TMEM132D: variants seen among roughly 807,000 people sequenced by gnomAD.
TMEM132D encodes transmembrane protein 132D.
A neutral mutation model predicts 62.3 loss-of-function variants in TMEM132D; 21 were observed. That is an observed-to-expected ratio of 0.34 (90% CI 0.24 to 0.49). The LOEUF (loss-of-function observed/expected upper bound fraction) is 0.49. TMEM132D is among the 20% of genes least tolerant of loss of function. The pLI is 0.99. For missense variants in TMEM132D, 1,346 were observed against 1,402.8 expected (o/e 0.96, Z 0.65); for synonymous variants, 621 against 575.6 (o/e 1.08, Z -1.13).
chr12:129,807,141 A>G (rs1413339184), intron 1 of TMEM132D, among the ~76,000 whole-genome samples: 1 of 152,346 alleles, frequency 6.6e-6, no homozygotes, highest in East Asian at 1.9e-4. Context: ...CCTTGAGCAC[A>G]CAGGATGGGA....
At chr12:129,599,012 GA>G (rs1269808974) in intron 2 of TMEM132D, among the ~76,000 whole-genome samples, 6 of 152,174 alleles carry the variant, frequency 3.9e-5, no homozygotes, top group Non-Finnish European at 7.3e-5. Context: ...AAGGAGTTTG[GA>G]GAGAATCTCT....
rs142531001 is a variant in TMEM132D at position 129,320,957 on chromosome 12, T to C, written c.1299+16677A>G. Among the ~76,000 whole-genome samples the C allele has an allele frequency of 7.3e-3, 1,107 of 151,394 alleles. 16 individuals carry two copies. The highest frequency in any genetic ancestry group is 0.026 in the African/African-American group (1,064 of 40,832). ...AGCGAGCCACCCACTAGACATTATTTATACAAATCTATCTATCTACCTACC... is the reference window on the plus strand; with the variant it reads ...AGCGAGCCACCCACTAGACATTATTCATACAAATCTATCTATCTACCTACC... On this transcript the variant is annotated intron_variant, in intron 4 of 8. Coordinates refer to ENST00000422113, the MANE Select transcript of TMEM132D (RefSeq NM_133448.3).
At chr12:129,735,469 A>G (rs532406981) in intron 1 of TMEM132D, among the ~76,000 whole-genome samples, 6 of 152,226 alleles carry the variant, frequency 3.9e-5, no homozygotes, top group African/African-American at 1.4e-4. Flanking sequence ...CAATACACAT[A>G]TATGTACAAA....
At chr12:129,558,095 G>A (rs1395373591) in intron 2 of TMEM132D, among the ~76,000 whole-genome samples, 1 of 152,152 alleles carries the variant, frequency 6.6e-6, no homozygotes, top group African/African-American at 2.4e-5. Context: ...ACTCTTGCTG[G>A]CTTAACAAAG....
At chr12:129,421,287 G>A (rs1324898871) in intron 3 of TMEM132D, among the ~76,000 whole-genome samples, 2 of 128,904 alleles carry the variant, frequency 1.6e-5, no homozygotes, top group Non-Finnish European at 3.3e-5. Flanking sequence ...TTAAAGTGAG[G>A]AGATCATAGT....
At chr12:129,489,867 A>C (rs1278134195) in intron 3 of TMEM132D, among the ~76,000 whole-genome samples, 3 of 152,212 alleles carry the variant, frequency 2.0e-5, no homozygotes, top group East Asian at 3.8e-4. Flanking sequence ...TTTTCCAGAC[A>C]ACTGGTTGAC....
chr12:129,596,043 A>G lies in TMEM132D; in HGVS notation c.969-64838T>C, dbSNP rs114890726. On this transcript the variant is annotated intron_variant, in intron 2 of 8. Transcript: ENST00000422113. ...AAGTCCTGGCTAGAGTTTGAAGAATAGGCAGCCAGTATGACTGAGAAGCTC... is the reference window on the plus strand; with the variant it reads ...AAGTCCTGGCTAGAGTTTGAAGAATGGGCAGCCAGTATGACTGAGAAGCTC... 5.1e-3 allele frequency among the ~76,000 whole-genome samples: 784 copies of G among 152,378 alleles called. 6 individuals carry two copies. The highest frequency in any genetic ancestry group is 0.018 in the African/African-American group (748 of 41,590).
intron 1 of TMEM132D, among the ~76,000 whole-genome samples, chr12:129,796,889 A>C (rs1396248869): frequency 6.6e-6 from 1 of 152,194 alleles, no homozygotes; most frequent in East Asian, 1.9e-4. Flanking sequence ...ATAATAAATA[A>C]ATAAGTAGAT....
chr12:129,101,408 G>T (rs10773596), intron 5 of TMEM132D, among the ~76,000 whole-genome samples: 45,386 of 152,114 alleles, frequency 0.3, 7,701 homozygotes, highest in East Asian at 0.45. Context: ...CCAGCTCAGT[G>T]GTCTCCAGTT....
chr12:129,887,207 G>A (rs1464418451), intron 1 of TMEM132D, among the ~76,000 whole-genome samples: 3 of 152,250 alleles, frequency 2.0e-5, no homozygotes, highest in African/African-American at 4.8e-5. Context: ...AGGAGGAGAG[G>A]AGCCTGTGCA....
intron 3 of TMEM132D, among the ~76,000 whole-genome samples, chr12:129,377,425 G>C (rs189375814): frequency 1.3e-5 from 2 of 152,334 alleles, no homozygotes; most frequent in Non-Finnish European, 2.9e-5. Context: ...TGGGGTGTGA[G>C]TCAAGGGGAG....
chr12:129,512,283 A>T (rs997609969), intron 3 of TMEM132D, among the ~76,000 whole-genome samples: 1 of 152,184 alleles, frequency 6.6e-6, no homozygotes, highest in African/African-American at 2.4e-5. Flanking sequence ...GCACAGGACA[A>T]AGGCTGGTGT....
intron 1 of TMEM132D, among the ~76,000 whole-genome samples, chr12:129,798,402 C>G (rs1263354473): frequency 6.6e-6 from 1 of 152,164 alleles, no homozygotes; most frequent in African/African-American, 2.4e-5. Flanking sequence ...AGTAGGTTAA[C>G]TGCTTTTCAA....
chr12:129,552,601 CTAT>C (rs1311068873), intron 2 of TMEM132D, among the ~76,000 whole-genome samples: 2 of 149,006 alleles, frequency 1.3e-5, no homozygotes, highest in Non-Finnish European at 3.0e-5. Context: ...TATTTTCTAT[CTAT>C]TATTTATCAT....
chr12:129,665,703 C>G (rs1880360387), intron 2 of TMEM132D, among the ~76,000 whole-genome samples: 1 of 152,086 alleles, frequency 6.6e-6, no homozygotes, highest in Non-Finnish European at 1.5e-5. Context: ...TCACCTTTTT[C>G]TACCTATCTC....
intron 2 of TMEM132D, among the ~76,000 whole-genome samples, chr12:129,609,389 T>C (rs1388856234): frequency 1.3e-5 from 2 of 152,170 alleles, no homozygotes; most frequent in South Asian, 2.1e-4. Flanking sequence ...TAGTGCTACA[T>C]AGAGTCTTGC....
intron 3 of TMEM132D, among the ~76,000 whole-genome samples, chr12:129,464,181 A>T (rs1873797621): frequency 6.6e-6 from 1 of 151,234 alleles, no homozygotes; most frequent in Non-Finnish European, 1.5e-5. Context: ...CTGGTGTGAG[A>T]TGGTATCTCA....
chr12:129,759,372 C>A (rs1870277791), intron 1 of TMEM132D, among the ~76,000 whole-genome samples: 1 of 152,172 alleles, frequency 6.6e-6, no homozygotes, highest in Non-Finnish European at 1.5e-5. Flanking sequence ...TAAATTAGGA[C>A]AACTTTTATG....
At chr12:129,901,639 G>A (rs1247788751) in intron 1 of TMEM132D, among the ~76,000 whole-genome samples, 2 of 152,156 alleles carry the variant, frequency 1.3e-5, no homozygotes, top group East Asian at 3.8e-4. Flanking sequence ...CATGTTCAGT[G>A]TTCCCAGTTG....
Sources: allele counts gnomAD v4.1 joint callset (sites outside exome capture counted in the v4.1 genomes callset), GRCh38; gene constraint gnomAD v4.1.1; transcripts MANE v1.5; gene names NCBI Gene and HGNC (gene_info 2026-07-23, HGNC 2026-07-21).